DGKD: variants seen among roughly 807,000 people sequenced by gnomAD.
The protein encoded by DGKD is DAG kinase delta.
Under a neutral mutation model 154.4 loss-of-function variants are expected in DGKD, and 68 were observed. The observed-to-expected ratio is 0.44, with a 90% CI of 0.36 to 0.54. The LOEUF (loss-of-function observed/expected upper bound fraction) is 0.54. Among genes scored for constraint, DGKD ranks in the 20% least tolerant of loss-of-function variants. The pLI, the probability that DGKD is intolerant of heterozygous loss-of-function variation, is 0.00. For synonymous variants in DGKD, 693 were observed against 638.0 expected (o/e 1.09, Z -1.30); for missense variants, 1,343 against 1,593.6 (o/e 0.84, Z 2.68).
chr2:233,378,752 G>T (rs1345032107), intron 1 of DGKD, among the ~76,000 whole-genome samples: 29 of 152,162 alleles, frequency 1.9e-4, no homozygotes, highest in Non-Finnish European at 2.9e-5. Context: ...AAAGATTAGG[G>T]ATATTAGCCC....
chr2:233,465,263 G>T (rs2063790005), intron 27 of DGKD, among the ~76,000 whole-genome samples: 1 of 152,188 alleles, frequency 6.6e-6, no homozygotes, highest in African/African-American at 2.4e-5. Flanking sequence ...AATATACAAT[G>T]ATTCAACAGA....
intron 3 of DGKD, among the ~76,000 whole-genome samples, chr2:233,394,514 G>T (rs1273392546): frequency 6.6e-6 from 1 of 151,916 alleles, no homozygotes; most frequent in African/African-American, 2.4e-5. Context: ...AAAGTGCTGG[G>T]ATTAAAGAAG....
intron 1 of DGKD, among the ~76,000 whole-genome samples, chr2:233,367,414 A>G (rs1702082508): frequency 6.6e-6 from 1 of 152,062 alleles, no homozygotes; most frequent in African/African-American, 2.4e-5. Context: ...TTTTTAGTAG[A>G]GACGGGGTTT....
Position 233,390,399 on chromosome 2 carries a change from C to T in DGKD, c.268-4C>T. On this transcript the variant is annotated splice_region_variant and splice_polypyrimidine_tract_variant and intron_variant, in intron 2 of 29. Coordinates refer to ENST00000264057, the MANE Select transcript of DGKD (RefSeq NM_152879.3). ...CCTTAGTCCCTGTGTTTGTCTCTTT[C>T]TAGTCAATCATATTTGATGAGGTGG... 1 of 1,613,352 alleles carries T rather than the reference C, an allele frequency of 6.2e-7. No individual in the cohort carries two copies. The highest frequency in any genetic ancestry group is 8.5e-7 in the Non-Finnish European group (1 of 1,179,504).
chr2:233,456,847 A>G (rs2124911431), intron 19 of DGKD, 52 bp from the exon 20 acceptor site: 1 of 1,386,206 alleles, frequency 7.2e-7, no homozygotes, highest in Non-Finnish European at 1.0e-6. Context: ...GACTCTGGTT[A>G]ACTATACGAA....
At chr2:233,377,706 A>G (rs932581698) in intron 1 of DGKD, among the ~76,000 whole-genome samples, 3 of 151,808 alleles carry the variant, frequency 2.0e-5, no homozygotes, top group Admixed American at 2.0e-4. Context: ...ACTGCTCTGG[A>G]TTTTGCCAAA....
chr2:233,363,690 C>G (rs1204182958), intron 1 of DGKD, among the ~76,000 whole-genome samples: 2 of 152,212 alleles, frequency 1.3e-5, no homozygotes, highest in African/African-American at 4.8e-5. Context: ...GTACCCTATA[C>G]AGGTGTACCA....
At chr2:233,464,789 C>T (rs922299570) in intron 27 of DGKD, among the ~76,000 whole-genome samples, 1 of 152,206 alleles carries the variant, frequency 6.6e-6, no homozygotes, top group African/African-American at 2.4e-5. Context: ...TCACATTCTT[C>T]TGCAGGGAGT....
intron 1 of DGKD, among the ~76,000 whole-genome samples, chr2:233,367,285 G>A (rs1702075747): frequency 6.6e-6 from 1 of 151,338 alleles, no homozygotes; most frequent in South Asian, 2.1e-4. Context: ...CTGGAGTGCA[G>A]TGGTGCGATC....
At position 233,461,174 on chromosome 2, in the gene DGKD, C is replaced by T. The variant is rs564433106; in HGVS notation, c.2981+829C>T. On this transcript the variant is annotated intron_variant, in intron 24 of 29. Transcript: ENST00000264057. ...AGGTGCGGGTTCCGCCTGTGAGTCC[C>T]TCCCAGCCGGCAGCTGTGCTGCTCC... Among the ~76,000 whole-genome samples, 23 of 152,392 alleles carry T rather than the reference C, an allele frequency of 1.5e-4. No homozygotes were observed. In the East Asian group the frequency reaches 4.2e-3, roughly 28 times the overall value.
intron 1 of DGKD, among the ~76,000 whole-genome samples, chr2:233,366,576 T>C (rs560430982): frequency 6.6e-6 from 1 of 152,312 alleles, no homozygotes; most frequent in Admixed American, 6.5e-5. Flanking sequence ...GAACCTCTTA[T>C]TCTCCACTAC....
intron 1 of DGKD, among the ~76,000 whole-genome samples, chr2:233,361,138 G>A (rs1253070860): frequency 6.6e-6 from 1 of 152,166 alleles, no homozygotes; most frequent in Non-Finnish European, 1.5e-5. Flanking sequence ...GCCTTAGCAG[G>A]GCTGAGGTGC....
chr2:233,388,016 C>CTA (rs1703300655), intron 1 of DGKD: 1 of 760,588 alleles, frequency 1.3e-6, no homozygotes. Context: ...ACACCCTGGG[C>CTA]CTCTTGACAC....
At chr2:233,397,546 G>GCA (rs2061447557) in intron 3 of DGKD, among the ~76,000 whole-genome samples, 1 of 100,844 alleles carries the variant, frequency 9.9e-6, no homozygotes, top group Non-Finnish European at 2.0e-5. Flanking sequence ...GGGGGGGGGG[G>GCA]GCAGAGTGAG....
chr2:233,451,916 G>T (rs1294485133), intron 17 of DGKD, 48 bp from the exon 18 acceptor site: 1 of 1,529,908 alleles, frequency 6.5e-7, no homozygotes, highest in East Asian at 2.2e-5. Context: ...TTCTCCTAAG[G>T]CTGTAGCTCC....
At chr2:233,388,199 G>T (rs1403613322) in intron 1 of DGKD, 58 bp from the exon 2 acceptor site, 2 of 1,585,144 alleles carry the variant, frequency 1.3e-6, no homozygotes, top group South Asian at 1.2e-5. Context: ...GTTTCAGCCG[G>T]AAGAGTGAAA....
Position 233,354,983 on chromosome 2 carries a change from CTG to C in DGKD, c.156+310_156+311del, listed in dbSNP as rs1287352302. On this transcript the variant is annotated intron_variant, in intron 1 of 29. Transcript: ENST00000264057. This position sits in a 1 kb window ranked among gnomAD's most constrained non-coding sequence, Gnocchi z 4.8. ...TTGGGCCGCGAGGACCCGGAGGAAACTGAGGCCTAGATGCAGGGGACTGCGCT... is the reference window on the plus strand; with the variant it reads ...TTGGGCCGCGAGGACCCGGAGGAAACAGGCCTAGATGCAGGGGACTGCGCT... Among the ~76,000 whole-genome samples, 1 of 151,138 alleles carries C rather than the reference CTG, an allele frequency of 6.6e-6. No homozygotes were observed. Among genetic ancestry groups the C allele is most frequent in the Non-Finnish European group, 1.5e-5 (1 of 67,744 alleles).
At chr2:233,362,420 G>A (rs1215764772) in intron 1 of DGKD, among the ~76,000 whole-genome samples, 1 of 152,214 alleles carries the variant, frequency 6.6e-6, no homozygotes, top group Non-Finnish European at 1.5e-5. Flanking sequence ...GGATGCTGAG[G>A]TGGGCGGATC....
Position 233,445,480 on chromosome 2 carries a change from T to TA in DGKD, c.1195-141dup. ...TGTCCCCTCCAGTGGGCTCTGCCTG[T>TA]AATGTGTAAGCTGCGTGGTTTTAGG... On this transcript the variant is annotated intron_variant, in intron 10 of 29. Coordinates refer to ENST00000264057, the MANE Select transcript of DGKD (RefSeq NM_152879.3). The surrounding 1 kb of genome is among the most constrained non-coding windows in gnomAD (Gnocchi z 5.5). The TA allele has an allele frequency of 8.7e-7, 1 of 1,148,738 alleles. No homozygotes were observed. The highest frequency in any genetic ancestry group is 1.2e-6 in the Non-Finnish European group (1 of 844,850). The allele number at this position is 1,148,738 out of a possible 1,614,324, so 71.2% of individuals were successfully genotyped here.
Sources: gnomAD v4.1 joint callset for allele counts (sites outside exome capture counted in the v4.1 genomes callset) on GRCh38, gnomAD v4.1.1 for gene constraint, Gnocchi (gnomAD v3.1) non-coding constraint, MANE v1.5 for transcripts, NCBI Gene and HGNC (gene_info 2026-07-23, HGNC 2026-07-21) for gene names.